MGST1: variants seen among roughly 807,000 people sequenced by gnomAD.
The protein encoded by MGST1 is microsomal glutathione S-transferase 1, also known as glutathione S-transferase 12.
Under a neutral mutation model 8.9 loss-of-function variants are expected in MGST1, and 5 were observed. The ratio of observed to expected loss-of-function variants is 0.56; its 90% CI spans 0.29 to 1.19. MGST1 has a LOEUF of 1.19. Ranked by LOEUF, MGST1 falls within the 50% of genes most tolerant of loss-of-function variation. The pLI is 0.08. For synonymous variants in MGST1, 54 were observed against 67.8 expected (o/e 0.80, Z 1.00); for missense variants, 182 against 187.4 (o/e 0.97, Z 0.17).
intron 4 of MGST1, among the ~76,000 whole-genome samples, chr12:16,490,644 T>C (rs752851508): frequency 6.6e-6 from 1 of 152,166 alleles, no homozygotes; most frequent in Non-Finnish European, 1.5e-5. Flanking sequence ...AATGATATCA[T>C]TTGATCTTTA....
chr12:16,499,428 A>C (rs545431242), intron 4 of MGST1, among the ~76,000 whole-genome samples: 17 of 152,170 alleles, frequency 1.1e-4, no homozygotes, highest in Middle Eastern at 3.2e-3. Flanking sequence ...CTTCAGTTGC[A>C]TCTGTGGGTG....
chr12:16,541,462 C>T (rs1259102677), intron 4 of MGST1, among the ~76,000 whole-genome samples: 1 of 152,110 alleles, frequency 6.6e-6, no homozygotes, highest in Non-Finnish European at 1.5e-5. Flanking sequence ...CTTGAAAATA[C>T]CTTTGCTATT....
chr12:16,458,780 T>C lies in MGST1; in HGVS notation n.482+75176T>C, dbSNP rs747654266. Among the ~76,000 whole-genome samples the C allele has an allele frequency of 5.3e-5, 8 of 152,066 alleles. No homozygotes were observed. The highest frequency in any genetic ancestry group is 1.0e-4 in the Non-Finnish European group (7 of 67,968). ...TGCCTGCTGCAGTGCTTTGCAGTTA[T>C]TCGGAATTTTTATTCTTCTTTATTA... On this transcript the variant is annotated intron_variant and non_coding_transcript_variant, in intron 4 of 4. Coordinates refer to the MGST1 transcript ENST00000538857. This position sits in a 1 kb window ranked among gnomAD's most constrained non-coding sequence, Gnocchi z 4.0.
chr12:16,366,785 C>A (rs147250002), downstream of MGST1, among the ~76,000 whole-genome samples: 1 of 152,104 alleles, frequency 6.6e-6, no homozygotes, highest in African/African-American at 2.4e-5. This position sits in a 1 kb window ranked among gnomAD's most constrained non-coding sequence, Gnocchi z 4.0. Context: ...TCTGTCCTCA[C>A]CTGTCCTAAG....
At chr12:16,351,728 T>G (rs1010488346) in intron 1 of MGST1, among the ~76,000 whole-genome samples, 1 of 152,152 alleles carries the variant, frequency 6.6e-6, no homozygotes, top group African/African-American at 2.4e-5. Flanking sequence ...GAGAATGGCT[T>G]GAACCCAGGA....
intron 4 of MGST1, among the ~76,000 whole-genome samples, chr12:16,578,588 C>G (rs544138771): frequency 6.6e-6 from 1 of 152,012 alleles, no homozygotes; most frequent in African/African-American, 2.4e-5. Flanking sequence ...GAGGCTGAGG[C>G]GGGTGGATCA....
In MGST1 at chr12:16,560,768, A is replaced by G. The variant is rs1222312849; in HGVS notation, n.483-28760A>G. ...GTTTGAGAAGAAAAGGAAAAGACAA[A>G]TACATTAGGAAGCTTACGTAACTGC... On this transcript the variant is annotated intron_variant and non_coding_transcript_variant, in intron 4 of 4. Coordinates refer to the MGST1 transcript ENST00000538857. The surrounding 1 kb of genome is among the most constrained non-coding windows in gnomAD (Gnocchi z 5.0). The G allele has an allele frequency of 5.4e-6, 3 of 556,182 alleles. No individual in the cohort carries two copies. Among genetic ancestry groups the G allele is most frequent in the Admixed American group, 5.1e-5 (2 of 39,100 alleles). 34.5% of individuals were successfully genotyped at this position (556,182 alleles called of 1,614,324 possible).
At chr12:16,567,135 G>A (rs141390400) in intron 4 of MGST1, among the ~76,000 whole-genome samples, 137 of 152,256 alleles carry the variant, frequency 9.0e-4, no homozygotes, top group Non-Finnish European at 1.6e-3. Context: ...GGCGGAGGTT[G>A]CAGTGAGCTG....
rs1941810847 is a variant in MGST1, at chr12:16,544,383, C to G, written n.483-45145C>G. 6.6e-6 allele frequency among the ~76,000 whole-genome samples: 1 copy of G among 151,800 alleles called. No homozygotes were observed. The highest frequency in any genetic ancestry group is 2.1e-4 in the South Asian group (1 of 4,820). ...TAATGCATACAAAAGAGTTGTCATA[C>G]AAAAGAGAAAAAGCCAAATATGATA... On this transcript the variant is annotated intron_variant and non_coding_transcript_variant, in intron 4 of 4. Coordinates refer to the MGST1 transcript ENST00000538857. The surrounding 1 kb of genome is among the most constrained non-coding windows in gnomAD (Gnocchi z 4.8).
At chr12:16,561,234 A>G (rs906974897) in intron 4 of MGST1, among the ~76,000 whole-genome samples, 18 of 152,188 alleles carry the variant, frequency 1.2e-4, no homozygotes, top group African/African-American at 1.7e-4. Flanking sequence ...TCGTTATTGT[A>G]ATGACCTAAA....
At chr12:16,386,168 C>A (rs1175963193) in intron 1 of MGST1, among the ~76,000 whole-genome samples, 1 of 152,160 alleles carries the variant, frequency 6.6e-6, no homozygotes, top group African/African-American at 2.4e-5. Flanking sequence ...AGTATCCAAG[C>A]AGTTTGTGGT....
chr12:16,524,291 AC>A lies in MGST1; in HGVS notation n.483-65236del, dbSNP rs1384482013. Among the ~76,000 whole-genome samples the A allele has an allele frequency of 1.8e-4, 27 of 152,236 alleles. No individual in the cohort carries two copies. In the East Asian group the frequency reaches 3.7e-3, roughly 21 times the overall value. ...GTGTAGGTTATTGTCTTTATGAATC[AC>A]ATTAAAATACTTTGGTTCAGAACTT... On this transcript the variant is annotated intron_variant and non_coding_transcript_variant, in intron 4 of 4. Coordinates refer to the MGST1 transcript ENST00000538857.
chr12:16,563,896 A>G (rs1342617423), intron 4 of MGST1, among the ~76,000 whole-genome samples: 1 of 152,232 alleles, frequency 6.6e-6, no homozygotes, highest in African/African-American at 2.4e-5. Context: ...AGATTATTAA[A>G]TCATGATACA....
At chr12:16,394,112 A>G (rs571511831) in intron 1 of MGST1, among the ~76,000 whole-genome samples, 153 of 152,230 alleles carry the variant, frequency 1.0e-3, no homozygotes, top group Non-Finnish European at 1.9e-3. Context: ...AAGTGATGGC[A>G]TTAAAGAACA....
intron 4 of MGST1, among the ~76,000 whole-genome samples, chr12:16,528,602 A>G (rs1941703494): frequency 6.6e-6 from 1 of 152,014 alleles, no homozygotes; most frequent in South Asian, 2.1e-4. Context: ...TTATAATCAT[A>G]TTGTCTTTGA....
At chr12:16,535,580 G>A (rs564162883) in intron 4 of MGST1, among the ~76,000 whole-genome samples, 2 of 152,242 alleles carry the variant, frequency 1.3e-5, no homozygotes, top group African/African-American at 4.8e-5. Context: ...AAATACTTAT[G>A]GTCTATAGTG....
intron 1 of MGST1, among the ~76,000 whole-genome samples, chr12:16,428,164 A>G (rs1157063562): frequency 6.6e-6 from 1 of 151,792 alleles, no homozygotes; most frequent in Non-Finnish European, 1.5e-5. Context: ...ATGTCCCTTC[A>G]TAGCTTTTTC....
intron 1 of MGST1, among the ~76,000 whole-genome samples, chr12:16,388,153 ACAAAAACTGCAATTACTTTTG>A (rs1357280127): frequency 3.3e-5 from 5 of 151,716 alleles, no homozygotes; most frequent in African/African-American, 1.2e-4. Flanking sequence ...AAAAGTGATG[ACAAAAACTGCAATTACTTTTG>A]CACCAACCAT....
intron 4 of MGST1, among the ~76,000 whole-genome samples, chr12:16,501,202 G>A (rs1941504209): frequency 6.6e-6 from 1 of 151,668 alleles, no homozygotes; most frequent in African/African-American, 2.4e-5. Flanking sequence ...CTTGTGACAT[G>A]TAAATTGACT....
Sources: gnomAD v4.1 joint callset for allele counts (sites outside exome capture counted in the v4.1 genomes callset) on GRCh38, gnomAD v4.1.1 for gene constraint, Gnocchi (gnomAD v3.1) non-coding constraint, MANE v1.5 for transcripts, NCBI Gene and HGNC (gene_info 2026-07-23, HGNC 2026-07-21) for gene names.